The following FNBP1L variants were observed in gnomAD, a reference collection of about 807,000 sequenced individuals.
The protein encoded by FNBP1L is formin binding protein 1 like, also known as formin-binding protein 1-like.
FNBP1L carries 36 observed loss-of-function variants against 91.2 expected under a neutral mutation model. The observed-to-expected ratio is 0.39, with a 90% CI of 0.30 to 0.52. FNBP1L has a LOEUF of 0.52. Ranked by LOEUF, FNBP1L falls within the 20% of genes least tolerant of loss-of-function variation. FNBP1L has a pLI of 0.66. For missense variants in FNBP1L, 571 were observed against 732.1 expected, an observed-to-expected ratio of 0.78 and a Z score of 2.54; for synonymous variants, 242 against 237.0, an observed-to-expected ratio of 1.02 and a Z score of -0.19.
intron 16 of FNBP1L, chr1:93,552,199 C>T: frequency 1.5e-6 from 2 of 1,352,642 alleles, no homozygotes; most frequent in East Asian, 2.7e-5. Flanking sequence ...TGTGACCACA[C>T]CCTGAGTCAG....
chr1:93,541,367 G>A (rs996238503), intron 11 of FNBP1L, among the ~76,000 whole-genome samples: 1 of 152,100 alleles, frequency 6.6e-6, no homozygotes, highest in Admixed American at 6.6e-5. Flanking sequence ...AGTTTGTTAT[G>A]CAGAAGGAAA....
At chr1:93,517,263 C>T (rs1309187512) in intron 2 of FNBP1L, among the ~76,000 whole-genome samples, 1 of 152,092 alleles carries the variant, frequency 6.6e-6, no homozygotes, top group Non-Finnish European at 1.5e-5. Context: ...TCAGGCTGGT[C>T]TCAAACTCTG....
At chr1:93,547,228 T>C in intron 13 of FNBP1L, 119 bp from the exon 14 acceptor site, 1 of 948,048 alleles carries the variant, frequency 1.1e-6, no homozygotes, top group Non-Finnish European at 1.6e-6. Context: ...GGAATAAAGG[T>C]TTCACATCTC....
intron 7 of FNBP1L, 67 bp from the exon 8 acceptor site, chr1:93,532,855 A>G (rs1671728060): frequency 8.4e-7 from 1 of 1,197,448 alleles, no homozygotes; most frequent in East Asian, 2.6e-5. Context: ...GGGGATCACT[A>G]ATTGAACTCC....
chr1:93,461,289 G>A (rs1265401153), intron 1 of FNBP1L, among the ~76,000 whole-genome samples: 1 of 152,224 alleles, frequency 6.6e-6, no homozygotes, highest in East Asian at 1.9e-4. Flanking sequence ...TCTTCCCAGG[G>A]TAGAAGCAAG....
At chr1:93,530,308 T>C (rs1382547305) in intron 6 of FNBP1L, among the ~76,000 whole-genome samples, 1 of 152,182 alleles carries the variant, frequency 6.6e-6, no homozygotes, top group Non-Finnish European at 1.5e-5. Context: ...TTCCATATTT[T>C]AGTTGGATAT....
At chr1:93,506,496 T>TAG (rs1403034921) in intron 2 of FNBP1L, among the ~76,000 whole-genome samples, 3 of 151,316 alleles carry the variant, frequency 2.0e-5, no homozygotes, top group African/African-American at 7.2e-5. Context: ...TTGGGCCATA[T>TAG]GTGTTAATCT....
intron 6 of FNBP1L, 21 bp downstream of exon 6, chr1:93,529,777 A>C (rs374841252): frequency 1.5e-6 from 2 of 1,317,524 alleles, no homozygotes; most frequent in Non-Finnish European, 2.1e-6. Context: ...CTCCAAACCA[A>C]CTTTAATGTC....
intron 2 of FNBP1L, among the ~76,000 whole-genome samples, chr1:93,505,075 A>T (rs1272266402): frequency 2.0e-5 from 3 of 149,966 alleles, no homozygotes; most frequent in Non-Finnish European, 4.4e-5. Context: ...ATCTTGAGTT[A>T]ATATTTGTAT....
chr1:93,499,366 T>C, intron 1 of FNBP1L, 102 bp from the exon 2 acceptor site: 1 of 754,612 alleles, frequency 1.3e-6, no homozygotes, highest in Non-Finnish European at 2.2e-6. Context: ...GTTTTTCCTT[T>C]TATACCTCAT....
At chr1:93,493,223 T>C (rs1331112886) in intron 1 of FNBP1L, among the ~76,000 whole-genome samples, 1 of 152,006 alleles carries the variant, frequency 6.6e-6, no homozygotes, top group Non-Finnish European at 1.5e-5. Context: ...ATGGGGCATC[T>C]CTGTAGTCCT....
intron 2 of FNBP1L, among the ~76,000 whole-genome samples, chr1:93,510,224 G>A (rs1329825384): frequency 6.6e-6 from 1 of 152,212 alleles, no homozygotes; most frequent in East Asian, 1.9e-4. Flanking sequence ...CAGCTTTGAA[G>A]AGAACAGTGG....
At chr1:93,543,504 A>G (rs72963303) in intron 11 of FNBP1L, among the ~76,000 whole-genome samples, 4,235 of 152,256 alleles carry the variant, frequency 0.028, 202 homozygotes, top group African/African-American at 0.096. Flanking sequence ...GGATAGTTCT[A>G]TCTTTGGTTT....
intron 1 of FNBP1L, among the ~76,000 whole-genome samples, chr1:93,455,137 C>T (rs551647096): frequency 3.3e-5 from 5 of 152,248 alleles, no homozygotes; most frequent in African/African-American, 4.8e-5. Context: ...CCCATGTTAT[C>T]CAGGATGGTC....
At chr1:93,548,076 T>G (rs1201591652) in intron 14 of FNBP1L, among the ~76,000 whole-genome samples, 1 of 152,152 alleles carries the variant, frequency 6.6e-6, no homozygotes, top group Non-Finnish European at 1.5e-5. Flanking sequence ...GGTTAAAATA[T>G]CCACCCTTTA....
At chr1:93,536,902 A>G (rs1570862412) in intron 10 of FNBP1L, among the ~76,000 whole-genome samples, 2 of 152,070 alleles carry the variant, frequency 1.3e-5, no homozygotes, top group East Asian at 1.9e-4. Context: ...GTCAAGCTCA[A>G]TTTTAATTGC....
At chr1:93,535,374 A>T (rs926516942) in intron 9 of FNBP1L, among the ~76,000 whole-genome samples, 1 of 152,130 alleles carries the variant, frequency 6.6e-6, no homozygotes, top group African/African-American at 2.4e-5. Flanking sequence ...TTGAAGTTTA[A>T]AACAATTTCT....
At chr1:93,533,422 T>G (rs1020055471) in intron 8 of FNBP1L, among the ~76,000 whole-genome samples, 4 of 152,196 alleles carry the variant, frequency 2.6e-5, no homozygotes, top group African/African-American at 9.6e-5. Context: ...CTTTAGCACT[T>G]GAGCTGGATC....
chr1:93,490,100 T>TATCAA (rs1246146172), intron 1 of FNBP1L, among the ~76,000 whole-genome samples: 1 of 152,230 alleles, frequency 6.6e-6, no homozygotes, highest in Non-Finnish European at 1.5e-5. Flanking sequence ...TGCAAGGCTG[T>TATCAA]ATCAAAGTAA....
Sources: allele counts gnomAD v4.1 joint callset (sites outside exome capture counted in the v4.1 genomes callset), GRCh38; gene constraint gnomAD v4.1.1; transcripts MANE v1.5; gene names NCBI Gene and HGNC (gene_info 2026-07-23, HGNC 2026-07-21).